Variants in FAIM observed in about 807,000 individuals in gnomAD.
FAIM encodes the protein Fas apoptotic inhibitory molecule, also known as fas apoptotic inhibitory molecule 1.
In FAIM, 14 loss-of-function variants were observed where a neutral mutation model predicts 21.2. The ratio of observed to expected loss-of-function variants is 0.66; its 90% CI spans 0.44 to 1.03. The LOEUF (loss-of-function observed/expected upper bound fraction) is 1.03. Among genes scored for constraint, FAIM ranks in the 50% least tolerant of loss-of-function variants. The pLI is 0.00. For missense variants in FAIM, 222 were observed against 247.1 expected (o/e 0.90, Z 0.68); for synonymous variants, 86 against 80.4 (o/e 1.07, Z -0.37).
At chr3:138,629,305 C>A (rs2042977203) in intron 5 of FAIM, 149 bp downstream of exon 5, 1 of 587,584 alleles carries the variant, frequency 1.7e-6, no homozygotes, top group Admixed American at 3.6e-5. Flanking sequence ...ACTTCAGATT[C>A]TGAAAACCTT....
chr3:138,621,159 A>C lies in FAIM; in HGVS notation c.45-248A>C. The C allele has an allele frequency of 1.6e-5, 7 of 444,842 alleles. No homozygotes were observed. The South Asian group carries it at 1.8e-4, about 11-fold the overall frequency. 27.6% of individuals were successfully genotyped at this position (444,842 alleles called of 1,614,324 possible). On this transcript the variant is annotated intron_variant, in intron 2 of 5. Transcript: ENST00000360570. ...AACTGATGCATTCTTAATCCTATTA[A>C]TATTAAGGTGGCTTTTTTTTAGAAG...
In FAIM at chr3:138,627,373, G is replaced by T. The variant is rs190669086; in HGVS notation, c.407-1734G>T. Among the ~76,000 whole-genome samples the T allele has an allele frequency of 4.0e-3, 609 of 151,944 alleles. 3 individuals are homozygous for T. The highest frequency in any genetic ancestry group is 0.014 in the African/African-American group (574 of 41,424). On this transcript the variant is annotated intron_variant, in intron 4 of 5. Transcript: ENST00000360570. Reference sequence around the variant, plus strand: ...ATTTTTTGTATTTTTAGTAGAGACGGGGTTTCACCATGTTGGCCAGACTGG... The same window carrying T: ...ATTTTTTGTATTTTTAGTAGAGACGTGGTTTCACCATGTTGGCCAGACTGG...
At chr3:138,611,131 A>T in intron 1 of FAIM, 1 of 996,616 alleles carries the variant, frequency 1.0e-6, no homozygotes, top group South Asian at 1.4e-5. Context: ...ATTAAATTGA[A>T]TTTGTAACTT....
intron 5 of FAIM, chr3:138,630,047 C>T (rs2108358325): frequency 6.6e-6 from 1 of 152,192 alleles, no homozygotes; most frequent in Non-Finnish European, 1.5e-5. Context: ...GTCTGTGGGC[C>T]AAGCAGGGAG....
At chr3:138,626,269 C>T (rs2042938224) in intron 4 of FAIM, among the ~76,000 whole-genome samples, 1 of 152,144 alleles carries the variant, frequency 6.6e-6, no homozygotes, top group Non-Finnish European at 1.5e-5. Context: ...CTTTTATTAA[C>T]ATACCACTTT....
chr3:138,614,127 A>C (rs1490019037), intron 1 of FAIM, among the ~76,000 whole-genome samples: 1 of 152,242 alleles, frequency 6.6e-6, no homozygotes, highest in Non-Finnish European at 1.5e-5. Flanking sequence ...CTGAACTCTC[A>C]AATTCTTTAA....
In FAIM at chr3:138,629,091, T is replaced by C. The variant is rs372490852; in HGVS notation, c.407-16T>C. 9.4e-6 allele frequency: 15 copies of C among 1,587,794 alleles called. No homozygotes were observed. Among genetic ancestry groups the C allele is most frequent in the Non-Finnish European group, 1.3e-5 (15 of 1,166,382 alleles). On this transcript the variant is annotated splice_polypyrimidine_tract_variant and intron_variant, in intron 4 of 5. Coordinates refer to ENST00000360570, the MANE Select transcript of FAIM (RefSeq NM_001033031.2). ...TCACAGAATTATAACTTAAAGTTTT[T>C]ATGTTACCTTTACAGAAAAAGATGC...
chr3:138,616,123 T>C (rs564048992), intron 1 of FAIM, among the ~76,000 whole-genome samples: 1 of 152,216 alleles, frequency 6.6e-6, no homozygotes, highest in Admixed American at 6.5e-5. Context: ...TGTTACTGAT[T>C]TCCCCGTAAT....
intron 1 of FAIM, among the ~76,000 whole-genome samples, chr3:138,611,291 TAAC>T (rs1261973349): frequency 5.9e-5 from 9 of 152,026 alleles, no homozygotes; most frequent in East Asian, 1.9e-4. Flanking sequence ...TTTTTTTTTT[TAAC>T]AACGTTACTG....
At position 138,632,999 on chromosome 3, in the gene FAIM, G is replaced by A; in HGVS notation, c.526G>A (p.Val176Ile). The change falls in exon 6 of 6, where the codon GTC becomes ATC. Residue 176 changes from valine (V) to isoleucine (I), a missense_variant. Val to Ile is a conservative substitution (Grantham distance 29, BLOSUM62 3). Transcript: ENST00000360570. ...GAACCATGACTGTTACATAAAGGCT[G>A]TCAGTAGTGGGAAGCGGAAAGAAGG... is the stretch of plus-strand genomic sequence containing the variant. ...IGNHDCYIKAVSSGKRKEGII... is the reference protein window; with the variant it reads ...IGNHDCYIKAISSGKRKEGII... 6.2e-7 allele frequency: 1 copy of A among 1,613,868 alleles called. No homozygotes were observed. Among genetic ancestry groups the A allele is most frequent in the Non-Finnish European group, 8.5e-7 (1 of 1,179,882 alleles).
intron 4 of FAIM, among the ~76,000 whole-genome samples, chr3:138,623,671 C>A (rs568462180): frequency 6.6e-6 from 1 of 152,158 alleles, no homozygotes; most frequent in East Asian, 1.9e-4. Context: ...GCCCACCCTT[C>A]TTTTCATTCT....
chr3:138,617,743 GTA>G (rs1231363015), intron 1 of FAIM, among the ~76,000 whole-genome samples: 3 of 143,158 alleles, frequency 2.1e-5, no homozygotes, highest in African/African-American at 7.6e-5. Context: ...ACGTGTGTGT[GTA>G]TATATATATG....
intron 1 of FAIM, among the ~76,000 whole-genome samples, chr3:138,617,411 T>C (rs1377161511): frequency 6.8e-6 from 1 of 147,346 alleles, no homozygotes; most frequent in African/African-American, 2.5e-5. Context: ...ATATATAATA[T>C]GTATATATAA....
intron 1 of FAIM, chr3:138,610,988 C>T (rs1159199706): frequency 6.2e-7 from 1 of 1,613,886 alleles, no homozygotes; most frequent in East Asian, 2.2e-5. Context: ...GACACTCCCA[C>T]TGTTGTGCTA....
intron 1 of FAIM, among the ~76,000 whole-genome samples, chr3:138,616,426 G>A (rs1055552095): frequency 6.6e-6 from 1 of 152,126 alleles, no homozygotes; most frequent in Non-Finnish European, 1.5e-5. Context: ...TGTTGGCCAG[G>A]TTAGAGTGCA....
chr3:138,629,802 G>A (rs1419937354), intron 5 of FAIM: 1 of 152,222 alleles, frequency 6.6e-6, no homozygotes, highest in Non-Finnish European at 1.5e-5. Context: ...AGGAGAAAGA[G>A]GCTCCCCCAG....
intron 5 of FAIM, chr3:138,629,410 T>C (rs1272990036): frequency 8.1e-6 from 2 of 246,800 alleles, no homozygotes; most frequent in East Asian, 9.7e-5. Context: ...TGGACCAGGC[T>C]CCAGCATAGC....
At chr3:138,620,017 T>A (rs752132304) in intron 2 of FAIM, among the ~76,000 whole-genome samples, 27 of 152,140 alleles carry the variant, frequency 1.8e-4, no homozygotes, top group Non-Finnish European at 2.8e-4. Context: ...CAGCACAGAG[T>A]TCTTGGCAAC....
intron 4 of FAIM, among the ~76,000 whole-genome samples, chr3:138,625,465 A>G (rs1169158324): frequency 1.3e-5 from 2 of 150,358 alleles, no homozygotes; most frequent in Non-Finnish European, 3.0e-5. Context: ...TCTGTCTCAA[A>G]AAAAAAAAAA....
Sources: gnomAD v4.1 joint callset for allele counts (sites outside exome capture counted in the v4.1 genomes callset) on GRCh38, gnomAD v4.1.1 for gene constraint, MANE v1.5 for transcripts, NCBI Gene and HGNC (gene_info 2026-07-23, HGNC 2026-07-21) for gene names.